The following CFAP46 variants were observed in gnomAD, a reference collection of about 807,000 sequenced individuals.
The protein encoded by CFAP46 is cilia and flagella associated protein 46.
In CFAP46, 245 loss-of-function variants were observed where a neutral mutation model predicts 325.7. The ratio of observed to expected loss-of-function variants is 0.75; its 90% CI spans 0.68 to 0.84. The LOEUF (loss-of-function observed/expected upper bound fraction) is 0.84. CFAP46 is among the 40% of genes least tolerant of loss of function. The probability of loss-of-function intolerance (pLI) is 0.00; values close to 1 mark genes in which losing one functional copy is unlikely to be tolerated. For synonymous variants in CFAP46, 1,523 were observed against 1,495.9 expected (o/e 1.02, Z -0.42); for missense variants, 3,346 against 3,543.0 (o/e 0.94, Z 1.41).
rs926772901 is a variant in CFAP46 at position 132,828,359 on chromosome 10, C to T, written c.7117+4999G>A. The stretch of plus-strand genomic sequence containing the variant: ...TCCGGTTCCACACCCTCCCAACACG[C>T]GCTCTGGTCGACTGTGTGAGTTTCA... On this transcript the variant is annotated intron_variant, in intron 50 of 57. Coordinates refer to ENST00000368586, the MANE Select transcript of CFAP46 (RefSeq NM_001200049.3). This position sits in a 1 kb window ranked among gnomAD's most constrained non-coding sequence, Gnocchi z 4.9. Among the ~76,000 whole-genome samples, 36 of 152,078 alleles carry T rather than the reference C, an allele frequency of 2.4e-4. No homozygotes were observed. Among genetic ancestry groups the T allele is most frequent in the African/African-American group, 7.5e-4 (31 of 41,344 alleles).
chr10:132,899,035 G>C lies in CFAP46; in HGVS notation c.3143C>G (p.Ala1048Gly). ...WNAWLPLLSS[A>G]VYRKKAKGAL... ...ACCCTTGGCCTTCTTCCTGTAGACG[G>C]CTGAGGACAGCAGTGGGAGCCAGGC... The change falls in exon 24 of 58, where the codon GCC (alanine) becomes GGC (glycine). Residue 1048 changes from alanine to glycine, a missense_variant. Coordinates refer to ENST00000368586, the MANE Select transcript of CFAP46 (RefSeq NM_001200049.3). 6.4e-7 allele frequency: 1 copy of C among 1,550,626 alleles called. No homozygotes were observed. The highest frequency in any genetic ancestry group is 8.7e-7 in the Non-Finnish European group (1 of 1,146,994).
intron 17 of CFAP46, 26 bp downstream of exon 17, chr10:132,916,523 T>C (rs1437168871): frequency 1.9e-6 from 3 of 1,543,094 alleles, no homozygotes; most frequent in Non-Finnish European, 2.6e-6. Flanking sequence ...CGGGCGGTGC[T>C]CAAGGCCACT....
chr10:132,835,167 G>C, intron 47 of CFAP46, 137 bp downstream of exon 47: 1 of 1,200,058 alleles, frequency 8.3e-7, no homozygotes, highest in Non-Finnish European at 1.1e-6. Flanking sequence ...GGCAGTGCCC[G>C]GGTGTTGGGA....
At chr10:132,887,119 C>T (rs1391736715) in intron 25 of CFAP46, among the ~76,000 whole-genome samples, 1 of 139,264 alleles carries the variant, frequency 7.2e-6, no homozygotes, top group Non-Finnish European at 1.6e-5. Context: ...TTTCACCTCT[C>T]TCTCTCCTCT....
chr10:132,821,306 G>T (rs1847815248), intron 50 of CFAP46, among the ~76,000 whole-genome samples: 1 of 140,570 alleles, frequency 7.1e-6, no homozygotes, highest in Non-Finnish European at 1.5e-5. Context: ...TGTGTGCTGT[G>T]TGTTGTGTGT....
intron 35 of CFAP46, among the ~76,000 whole-genome samples, chr10:132,865,809 A>G (rs1321478350): frequency 6.6e-6 from 1 of 152,262 alleles, no homozygotes; most frequent in African/African-American, 2.4e-5. Flanking sequence ...TACTGGAAAT[A>G]GAAACTTCAG....
chr10:132,915,476 G>A (rs551062987), intron 17 of CFAP46, among the ~76,000 whole-genome samples: 38 of 152,370 alleles, frequency 2.5e-4, no homozygotes, highest in East Asian at 1.5e-3. Flanking sequence ...CAAAGAGCTC[G>A]GCCGGGTGGC....
intron 34 of CFAP46, among the ~76,000 whole-genome samples, chr10:132,866,917 G>C (rs1024634930): frequency 6.6e-6 from 1 of 152,188 alleles, no homozygotes; most frequent in Non-Finnish European, 1.5e-5. Context: ...TCAGATGACC[G>C]GGACCTCCAG....
chr10:132,928,791 C>T (rs1849847961), intron 9 of CFAP46, among the ~76,000 whole-genome samples: 1 of 152,234 alleles, frequency 6.6e-6, no homozygotes, highest in Non-Finnish European at 1.5e-5. Context: ...ATTTTCCCTG[C>T]TCTGTGGAAG....
intron 29 of CFAP46, among the ~76,000 whole-genome samples, chr10:132,878,288 G>A (rs970108074): frequency 4.6e-5 from 7 of 152,262 alleles, no homozygotes; most frequent in African/African-American, 7.2e-5. Flanking sequence ...TGTGGGCACC[G>A]GGGGCTGCAG....
chr10:132,872,396 G>A (rs1258735590), intron 32 of CFAP46: 3 of 400,608 alleles, frequency 7.5e-6, no homozygotes, highest in Admixed American at 3.6e-5. Context: ...TGCGACAACA[G>A]GTGTGTGTCA....
chr10:132,822,760 C>CACT (rs1203633587), intron 50 of CFAP46, among the ~76,000 whole-genome samples: 2 of 115,788 alleles, frequency 1.7e-5, no homozygotes, highest in Non-Finnish European at 3.4e-5. Context: ...TGTGTGAGTG[C>CACT]TGATGTGTGC....
chr10:132,934,554 G>A (rs764819512), intron 8 of CFAP46, among the ~76,000 whole-genome samples, 198 bp downstream of exon 8: 1 of 152,198 alleles, frequency 6.6e-6, no homozygotes, highest in Non-Finnish European at 1.5e-5. Flanking sequence ...AAAAAGTAGG[G>A]TATGAAAGTA....
chr10:132,867,726 G>C (rs1004062551), intron 33 of CFAP46, among the ~76,000 whole-genome samples: 1 of 152,216 alleles, frequency 6.6e-6, no homozygotes, highest in Non-Finnish European at 1.5e-5. Context: ...GTCATGTCCA[G>C]CTGCTGTTTG....
At chr10:132,898,766 G>A (rs565132526) in intron 24 of CFAP46, 193 bp downstream of exon 24, 12 of 727,352 alleles carry the variant, frequency 1.6e-5, no homozygotes, top group Middle Eastern at 2.3e-4. Flanking sequence ...TCTGAGCACC[G>A]AGTCCAGCAG....
intron 1 of CFAP46, 41 bp downstream of exon 1, chr10:132,942,395 G>T: frequency 7.3e-7 from 1 of 1,365,530 alleles, no homozygotes; most frequent in Non-Finnish European, 9.4e-7. Flanking sequence ...GCGGGTCCCG[G>T]GGCCTCCCCG....
chr10:132,889,010 C>T lies in CFAP46; in HGVS notation c.3305-3051G>A, dbSNP rs565772291. Among the ~76,000 whole-genome samples, 20 of 152,356 alleles carry T rather than the reference C, an allele frequency of 1.3e-4. No individual in the cohort carries two copies. The highest frequency in any genetic ancestry group is 3.9e-4 in the East Asian group (2 of 5,174). On this transcript the variant is annotated intron_variant, in intron 25 of 57. Coordinates refer to ENST00000368586, the MANE Select transcript of CFAP46 (RefSeq NM_001200049.3). The surrounding 1 kb of genome is among the most constrained non-coding windows in gnomAD (Gnocchi z 6.0). ...CACCCTCTGGAGCCTTCTCAGACTA[C>T]GCAGCCCCTCACGCCCTTTCTCTTT...
At chr10:132,810,204 G>A (rs1413575734) in intron 57 of CFAP46, among the ~76,000 whole-genome samples, 2 of 152,210 alleles carry the variant, frequency 1.3e-5, no homozygotes, top group African/African-American at 4.8e-5. Context: ...ACGGTGGGGG[G>A]CTGGGGTGGT....
chr10:132,885,354 A>G, intron 26 of CFAP46, 68 bp from the exon 27 acceptor site: 1 of 1,415,970 alleles, frequency 7.1e-7, no homozygotes, highest in Non-Finnish European at 9.5e-7. Context: ...TGGGTGATGC[A>G]GCCCGGACTT....
Sources: gnomAD v4.1 joint callset for allele counts (sites outside exome capture counted in the v4.1 genomes callset) on GRCh38, gnomAD v4.1.1 for gene constraint, Gnocchi (gnomAD v3.1) non-coding constraint, MANE v1.5 for transcripts, NCBI Gene and HGNC (gene_info 2026-07-23, HGNC 2026-07-21) for gene names.